Variants in RNF103 observed in about 807,000 individuals in gnomAD.
RNF103 encodes the protein E3 ubiquitin-protein ligase RNF103.
Under a neutral mutation model 66.2 loss-of-function variants are expected in RNF103, and 23 were observed. That is an observed-to-expected ratio of 0.35 (90% CI 0.25 to 0.49). RNF103 has a LOEUF of 0.49. Among genes scored for constraint, RNF103 ranks in the 20% least tolerant of loss-of-function variants. The pLI is 0.98. For synonymous variants in RNF103, 297 were observed against 289.9 expected (o/e 1.02, Z -0.25); for missense variants, 730 against 814.7 (o/e 0.90, Z 1.27).
At chr2:86,620,601 T>A (rs1679195003) in intron 1 of RNF103, 132 bp from the exon 2 acceptor site, 3 of 1,221,828 alleles carry the variant, frequency 2.5e-6, no homozygotes, top group Non-Finnish European at 3.2e-6. Context: ...CAAGAACTAC[T>A]AGAAGAACCT....
rs1679326208 is a variant in RNF103 at position 86,623,590 on chromosome 2, C to G, written c.-704G>C. 7 of 1,007,104 alleles carry G rather than the reference C, an allele frequency of 7.0e-6. No homozygotes were observed. Among genetic ancestry groups the G allele is most frequent in the Non-Finnish European group, 8.3e-6 (7 of 841,982 alleles). 62.4% of individuals were successfully genotyped at this position (1,007,104 alleles called of 1,614,324 possible). A position where few individuals can be genotyped will look rare whatever the true frequency, so the allele number is the denominator to read the frequency against. ...TCGGGCCGGCTGGCGGGCGGCGCCT[C>G]TCAGGCGGGCGGGCACTGCGGCCCG... On this transcript the variant is annotated 5_prime_UTR_variant, in exon 1 of 4. Coordinates refer to ENST00000237455, the MANE Select transcript of RNF103 (RefSeq NM_005667.4).
Position 86,623,174 on chromosome 2 carries a change from C to G in RNF103, c.-288G>C, listed in dbSNP as rs1051747355. On this transcript the variant is annotated 5_prime_UTR_variant, in exon 1 of 4. Transcript: ENST00000237455. The stretch of plus-strand genomic sequence containing the variant: ...AAACTCAAAACCCCCATCCATTAAG[C>G]ACAGAAAGGAGAGGGGCGCGGGGAG... 2.8e-6 allele frequency: 3 copies of G among 1,084,232 alleles called. No homozygotes were observed. Among genetic ancestry groups the G allele is most frequent in the Admixed American group, 1.1e-4 (2 of 18,040 alleles). The allele number at this position is 1,084,232 out of a possible 1,614,324, so 67.2% of individuals were successfully genotyped here.
intron 2 of RNF103, among the ~76,000 whole-genome samples, chr2:86,615,900 A>G (rs1331740004): frequency 6.6e-6 from 1 of 152,182 alleles, no homozygotes; most frequent in Non-Finnish European, 1.5e-5. Flanking sequence ...TGGGTGCTCA[A>G]TAAGTATTTA....
intron 3 of RNF103, among the ~76,000 whole-genome samples, chr2:86,606,662 C>CAAAAAAAAAAAAAA (rs200897796): frequency 1.0e-5 from 1 of 97,402 alleles, no homozygotes; most frequent in Non-Finnish European, 2.0e-5. Context: ...AACTTCGTCT[C>CAAAAAAAAAAAAAA]AAAAAAAAAA....
At chr2:86,622,070 C>T (rs1309628301) in intron 1 of RNF103, among the ~76,000 whole-genome samples, 1 of 152,126 alleles carries the variant, frequency 6.6e-6, no homozygotes, top group East Asian at 1.9e-4. Flanking sequence ...AATATAAACT[C>T]GAACATGGCA....
rs900412430 is a variant in RNF103, at chr2:86,615,538, A to AT, written c.367-3265_367-3264insA. 3.7e-3 allele frequency among the ~76,000 whole-genome samples: 511 copies of AT among 137,216 alleles called. 3 individuals carry two copies. Among genetic ancestry groups the AT allele is most frequent in the South Asian group, 0.011 (48 of 4,562 alleles). 90.0% of individuals were successfully genotyped at this position (137,216 alleles called of 152,430 possible). On this transcript the variant is annotated intron_variant, in intron 2 of 3. Transcript: ENST00000237455. ...ATATGCCTTATATATATATATATATAATATATATACACACACACACTATGT... is the reference window on the plus strand; with the variant it reads ...ATATGCCTTATATATATATATATATATATATATATACACACACACACTATGT...
At chr2:86,615,520 T>TTATATATATATATATATATATATATA (rs4019180) in intron 2 of RNF103, among the ~76,000 whole-genome samples, 50 of 142,290 alleles carry the variant, frequency 3.5e-4, no homozygotes, top group East Asian at 1.3e-3. Flanking sequence ...TACATATGCC[T>TTATATATATATATATATATATATATA]TATATATATA....
chr2:86,619,836 G>A (rs1679158008), intron 2 of RNF103, among the ~76,000 whole-genome samples: 2 of 152,086 alleles, frequency 1.3e-5, no homozygotes, highest in Non-Finnish European at 2.9e-5. Flanking sequence ...CCTGAGTTAC[G>A]TAATGAGCAC....
intron 2 of RNF103, among the ~76,000 whole-genome samples, chr2:86,619,269 C>T (rs1008198508): frequency 6.6e-6 from 1 of 152,180 alleles, no homozygotes; most frequent in African/African-American, 2.4e-5. Flanking sequence ...GCTTTTCCTA[C>T]CATATTTTGC....
At chr2:86,607,176 T>G (rs1678603524) in intron 3 of RNF103, among the ~76,000 whole-genome samples, 1 of 152,206 alleles carries the variant, frequency 6.6e-6, no homozygotes, top group South Asian at 2.1e-4. Flanking sequence ...TGTTACAGAT[T>G]TGTATATGCA....
intron 2 of RNF103, chr2:86,613,790 T>C (rs1031156010): frequency 6.6e-6 from 1 of 152,256 alleles, no homozygotes; most frequent in African/African-American, 2.4e-5. Context: ...GTTCACTTTA[T>C]GTGCCAAATA....
chr2:86,616,658 A>C (rs1679036935), intron 2 of RNF103: 1 of 985,338 alleles, frequency 1.0e-6, no homozygotes, highest in East Asian at 1.1e-4. Context: ...TATTGATGTA[A>C]TACTTCAGTA....
intron 2 of RNF103, chr2:86,615,274 A>C (rs1215032538): frequency 1.0e-6 from 1 of 982,524 alleles, no homozygotes; most frequent in African/African-American, 1.8e-5. Context: ...AAAAATGAAA[A>C]ATCTTGTAGG....
Position 86,623,854 on chromosome 2 carries a change from C to G in RNF103, c.-968G>C. 1 of 1,287,904 alleles carries G rather than the reference C, an allele frequency of 7.8e-7. No individual in the cohort carries two copies. The highest frequency in any genetic ancestry group is 1.0e-6 in the Non-Finnish European group (1 of 988,316). The allele number at this position is 1,287,904 out of a possible 1,614,324, so 79.8% of individuals were successfully genotyped here. A position where few individuals can be genotyped will look rare whatever the true frequency, so the allele number is the denominator to read the frequency against. On this transcript the variant is annotated 5_prime_UTR_variant, in exon 1 of 4. Coordinates refer to ENST00000237455, the MANE Select transcript of RNF103 (RefSeq NM_005667.4). ...GTATCAGCGGCGGCCGCGGCCGGAG[C>G]CGAGACATAACAACTGACGTCGCGA...
chr2:86,610,514 ATTATTT>A, intron 3 of RNF103, among the ~76,000 whole-genome samples: 1 of 151,904 alleles, frequency 6.6e-6, no homozygotes, highest in African/African-American at 2.4e-5. Flanking sequence ...CGTTTAACAG[ATTATTT>A]TTATTTTGTT....
Position 86,604,151 on chromosome 2 carries a change from G to C in RNF103, c.1750C>G (p.Gln584Glu), listed in dbSNP as rs1678451649. Residue 584 changes from glutamine (Q) to glutamate (E), a missense_variant, in exon 4 of 4, where the codon CAG (glutamine) becomes GAG (glutamate). Gln to Glu is a conservative substitution (Grantham distance 29). This residue lies in a region of RNF103 where 355 missense variants were observed against 351.9 expected (regional missense o/e 1.01). Transcript: ENST00000237455. ...CCCTTCCTTTCACATGGGCTGGTCT[G>C]ACAATATTTATTGGCACATGAACAA... ...EACSCANKYC[Q>E]TSPCERKGRS... 1 of 1,613,252 alleles carries C rather than the reference G, an allele frequency of 6.2e-7. No homozygotes were observed. Among genetic ancestry groups the C allele is most frequent in the Admixed American group, 1.7e-5 (1 of 59,994 alleles).
At chr2:86,621,755 T>C (rs1679238678) in intron 1 of RNF103, among the ~76,000 whole-genome samples, 1 of 152,208 alleles carries the variant, frequency 6.6e-6, no homozygotes, top group South Asian at 2.1e-4. Flanking sequence ...AACCATCAGT[T>C]TCAGCTGCTT....
chr2:86,610,717 A>C (rs1279142726), intron 3 of RNF103, among the ~76,000 whole-genome samples: 1 of 152,180 alleles, frequency 6.6e-6, no homozygotes, highest in Non-Finnish European at 1.5e-5. Flanking sequence ...TAGTGATATG[A>C]ATACTGACTT....
chr2:86,605,030 T>G lies in RNF103; in HGVS notation c.871A>C (p.Arg291=). The G allele has an allele frequency of 6.2e-7, 1 of 1,614,150 alleles. No individual in the cohort carries two copies. The highest frequency in any genetic ancestry group is 8.5e-7 in the Non-Finnish European group (1 of 1,180,022). ...GIYNMPSYIL[R]TPEGIYRYGN... ...TACCTGTAAATTCCTTCAGGAGTTC[T>G]AAGTATGTATGATGGCATATTATAT... The change falls in exon 4 of 4, where the codon AGA becomes CGA. Residue 291 remains arginine (R), a synonymous_variant. Coordinates refer to ENST00000237455, the MANE Select transcript of RNF103 (RefSeq NM_005667.4).
Sources: gnomAD v4.1 joint callset for allele counts (sites outside exome capture counted in the v4.1 genomes callset) on GRCh38, gnomAD v4.1.1 for gene constraint, gnomAD v4.1.1 regional missense constraint, MANE v1.5 for transcripts, NCBI Gene and HGNC (gene_info 2026-07-23, HGNC 2026-07-21) for gene names.